ELOC: variants seen among roughly 807,000 people sequenced by gnomAD.
The protein encoded by ELOC is elongin-C.
For synonymous variants in ELOC, 40 were observed against 51.3 expected (o/e 0.78, Z 0.94); for missense variants, 38 against 139.0 (o/e 0.27, Z 3.65).
intron 3 of ELOC, 155 bp downstream of exon 3, chr8:73,955,751 TGAGAC>T (rs1814133636): frequency 1.2e-6 from 1 of 856,740 alleles, no homozygotes; most frequent in African/African-American, 1.7e-5. Context: ...GGCAACAGAA[TGAGAC>T]TCTGTCTCTC....
intron 2 of ELOC, among the ~76,000 whole-genome samples, chr8:73,958,261 G>T (rs561810254): frequency 6.6e-6 from 1 of 151,922 alleles, no homozygotes; most frequent in Non-Finnish European, 1.5e-5. Context: ...CCTGGCTTTG[G>T]TCTTTGTTTT....
intron 1 of ELOC, among the ~76,000 whole-genome samples, chr8:73,971,650 G>T (rs1331692488): frequency 6.6e-6 from 1 of 152,086 alleles, no homozygotes; most frequent in Admixed American, 6.5e-5. Flanking sequence ...TTACCCAGAA[G>T]GTAAACTTCT....
chr8:73,946,901 C>A, intron 3 of ELOC, 81 bp from the exon 4 acceptor site: 2 of 1,165,308 alleles, frequency 1.7e-6, no homozygotes, highest in South Asian at 1.6e-5. Flanking sequence ...ACCCCTTGTA[C>A]CACAGAATGT....
chr8:73,962,704 A>G (rs971368046), intron 1 of ELOC, among the ~76,000 whole-genome samples: 1 of 152,204 alleles, frequency 6.6e-6, no homozygotes, highest in Non-Finnish European at 1.5e-5. Flanking sequence ...GCTAAGCAAC[A>G]ATGCAAAGTC....
At chr8:73,958,981 G>A (rs1293722822) in intron 2 of ELOC, among the ~76,000 whole-genome samples, 1 of 152,132 alleles carries the variant, frequency 6.6e-6, no homozygotes, top group Non-Finnish European at 1.5e-5. Context: ...GTATGTTACT[G>A]TATGAATACT....
intron 3 of ELOC, among the ~76,000 whole-genome samples, chr8:73,948,192 C>CAAA (rs200295701): frequency 4.7e-5 from 6 of 127,996 alleles, no homozygotes; most frequent in South Asian, 2.4e-4. Flanking sequence ...AACTCCGTCT[C>CAAA]AAAAAAAAAA....
chr8:73,971,558 C>T (rs1288718576), intron 1 of ELOC, among the ~76,000 whole-genome samples: 1 of 152,074 alleles, frequency 6.6e-6, no homozygotes, highest in Non-Finnish European at 1.5e-5. Flanking sequence ...ACACTAGATA[C>T]CTCCTTTCAG....
Position 73,957,041 on chromosome 8 carries a change from C to T in ELOC, c.5-987G>A, listed in dbSNP as rs1260578729. Among the ~76,000 whole-genome samples, 8 of 151,802 alleles carry T rather than the reference C, an allele frequency of 5.3e-5. No individual in the cohort carries two copies. In the East Asian group the frequency reaches 1.2e-3, roughly 22 times the overall value. ...AAAAAAAATTAGCTGGGCGTGGTGG[C>T]GGGTGCCTGTAGTCCCAGCTACTCA... On this transcript the variant is annotated intron_variant, in intron 2 of 3. Transcript: ENST00000520242.
At chr8:73,966,883 G>T (rs955493964) in intron 1 of ELOC, among the ~76,000 whole-genome samples, 2 of 152,098 alleles carry the variant, frequency 1.3e-5, no homozygotes, top group Non-Finnish European at 2.9e-5. Flanking sequence ...TCCTTTTGCT[G>T]CTATCATTTC....
intron 3 of ELOC, among the ~76,000 whole-genome samples, chr8:73,951,735 T>C (rs1813781576): frequency 6.6e-6 from 1 of 151,870 alleles, no homozygotes; most frequent in South Asian, 2.1e-4. Context: ...GCCCAAACAA[T>C]CTTGAAACAG....
intron 3 of ELOC, chr8:73,955,670 C>G: frequency 2.1e-6 from 1 of 468,562 alleles, no homozygotes; most frequent in East Asian, 3.9e-5. Context: ...TACTCTGAGG[C>G]AGGAGAATTG....
chr8:73,956,278 G>A (rs554489756), intron 2 of ELOC, among the ~76,000 whole-genome samples: 2 of 152,090 alleles, frequency 1.3e-5, no homozygotes, highest in African/African-American at 2.4e-5. Context: ...TCAGCTACTC[G>A]GGAGGCTGAG....
chr8:73,965,105 G>A (rs891422308), intron 1 of ELOC, among the ~76,000 whole-genome samples: 1 of 148,138 alleles, frequency 6.8e-6, no homozygotes, highest in Non-Finnish European at 1.5e-5. Context: ...GCCACGAACT[G>A]GAAAAAAATA....
intron 3 of ELOC, among the ~76,000 whole-genome samples, chr8:73,954,998 C>T (rs1192034697): frequency 2.2e-5 from 3 of 133,450 alleles, no homozygotes; most frequent in Non-Finnish European, 4.6e-5. Context: ...GGCACCATTG[C>T]ACTCCAGCCT....
At chr8:73,962,052 T>A (rs931491886) in intron 1 of ELOC, among the ~76,000 whole-genome samples, 1 of 151,644 alleles carries the variant, frequency 6.6e-6, no homozygotes, top group South Asian at 2.1e-4. Flanking sequence ...CATGGGACCA[T>A]GTCCAGCTAA....
intron 1 of ELOC, among the ~76,000 whole-genome samples, chr8:73,970,327 A>G (rs1815268199): frequency 6.6e-6 from 1 of 152,240 alleles, no homozygotes; most frequent in African/African-American, 2.4e-5. Flanking sequence ...AAACCAAGAT[A>G]AACATTTTAG....
At chr8:73,971,536 G>A (rs887521788) in intron 1 of ELOC, among the ~76,000 whole-genome samples, 6 of 151,990 alleles carry the variant, frequency 3.9e-5, no homozygotes, top group African/African-American at 1.2e-4. Context: ...AACTCAATGG[G>A]CACAGTATTT....
At chr8:73,961,085 G>A (rs753135887) in intron 1 of ELOC, among the ~76,000 whole-genome samples, 2 of 152,166 alleles carry the variant, frequency 1.3e-5, no homozygotes, top group Non-Finnish European at 2.9e-5. Flanking sequence ...GGTTAAAAAT[G>A]TACAAGTTTT....
chr8:73,965,099 C>T lies in ELOC; in HGVS notation c.-50-5281G>A, dbSNP rs370518701. Among the ~76,000 whole-genome samples, 14 of 144,902 alleles carry T rather than the reference C, an allele frequency of 9.7e-5. No homozygotes were observed. The South Asian group carries it at 1.1e-3, about 11-fold the overall frequency. On this transcript the variant is annotated intron_variant, in intron 1 of 3. Transcript: ENST00000520242. ...AAATGAAAAAAATGAAGTCAAGCCACGAACTGGAAAAAAATATTCACAACG... is the reference window on the plus strand; with the variant it reads ...AAATGAAAAAAATGAAGTCAAGCCATGAACTGGAAAAAAATATTCACAACG...
Sources: allele counts gnomAD v4.1 joint callset (sites outside exome capture counted in the v4.1 genomes callset), GRCh38; gene constraint gnomAD v4.1.1; transcripts MANE v1.5; gene names NCBI Gene and HGNC (gene_info 2026-07-23, HGNC 2026-07-21).